PFDN4: variants seen among roughly 807,000 people sequenced by gnomAD.
The protein encoded by PFDN4 is prefoldin 4.
Under a neutral mutation model 17.6 loss-of-function variants are expected in PFDN4, and 6 were observed. The observed-to-expected ratio is 0.34, with a 90% CI of 0.19 to 0.67. The LOEUF is 0.67. Ranked by LOEUF, PFDN4 falls within the 30% of genes least tolerant of loss-of-function variation. The probability of loss-of-function intolerance (pLI) is 0.68; values close to 1 mark genes in which losing one functional copy is unlikely to be tolerated. For synonymous variants in PFDN4, 48 were observed against 51.1 expected, an observed-to-expected ratio of 0.94 and a Z score of 0.26; for missense variants, 119 against 158.4, an observed-to-expected ratio of 0.75 and a Z score of 1.33.
chr20:54,219,212 T>G lies in PFDN4; in HGVS notation c.*62T>G. On this transcript the variant is annotated 3_prime_UTR_variant, in exon 4 of 4. Coordinates refer to ENST00000371419, the MANE Select transcript of PFDN4 (RefSeq NM_002623.4). The stretch of plus-strand genomic sequence containing the variant: ...TTGAATATTGTTTAAAATGATAATT[T>G]TCCTTCTTCAAATGACATGGAAAGC... The G allele has an allele frequency of 9.3e-7, 1 of 1,071,922 alleles. No individual in the cohort carries two copies. The highest frequency in any genetic ancestry group is 1.3e-6 in the Non-Finnish European group (1 of 777,454). 66.4% of individuals were successfully genotyped at this position (1,071,922 alleles called of 1,614,324 possible).
rs185617925 is a variant in PFDN4 at position 54,214,819 on chromosome 20, C to A, written c.132+361C>A. On this transcript the variant is annotated intron_variant, in intron 2 of 3. Transcript: ENST00000371419. Reference sequence around the variant, plus strand: ...GCCAGTGCCACCTACCCCAGTAAATCTGGGGCCTGTGTCCAGCCGTCCCCC... The same window carrying A: ...GCCAGTGCCACCTACCCCAGTAAATATGGGGCCTGTGTCCAGCCGTCCCCC... Among the ~76,000 whole-genome samples, 10 of 152,280 alleles carry A rather than the reference C, an allele frequency of 6.6e-5. No individual in the cohort carries two copies. In the East Asian group the frequency reaches 1.9e-3, roughly 29 times the overall value.
chr20:54,212,780 T>C (rs1054791945), intron 1 of PFDN4, among the ~76,000 whole-genome samples: 3 of 152,252 alleles, frequency 2.0e-5, no homozygotes, highest in Non-Finnish European at 4.4e-5. Context: ...GCGTAGGGAA[T>C]TGACAGTTCT....
chr20:54,219,027 G>T lies in PFDN4; in HGVS notation c.282G>T (p.Leu94Phe), dbSNP rs1246122455. The T allele has an allele frequency of 6.5e-7, 1 of 1,527,840 alleles. No homozygotes were observed. The highest frequency in any genetic ancestry group is 8.8e-7 in the Non-Finnish European group (1 of 1,131,522). 94.6% of individuals were successfully genotyped at this position (1,527,840 alleles called of 1,614,324 possible). The stretch of plus-strand genomic sequence containing the variant: ...AAATATTTTTTTTCCAGAAAAATTT[G>T]CAAGAAGAAATTGACGCCTTAGAAT... ...QEMLEEAKKN[L>F]QEEIDALESR... The change falls in exon 4 of 4, where the codon TTG becomes TTT. Residue 94 changes from leucine (L) to phenylalanine (F), a missense_variant. Leu to Phe is a conservative substitution (Grantham distance 22). Transcript: ENST00000371419.
intron 1 of PFDN4, among the ~76,000 whole-genome samples, chr20:54,212,628 A>T (rs1341066643): frequency 6.6e-6 from 1 of 152,272 alleles, no homozygotes; most frequent in Non-Finnish European, 1.5e-5. Context: ...CCTGCACTGG[A>T]TCCGTTCATG....
chr20:54,214,602 A>AT (rs528818258), intron 2 of PFDN4, 144 bp downstream of exon 2: 12,098 of 441,476 alleles, frequency 0.027, 9 homozygotes, highest in Middle Eastern at 0.044. Context: ...GCAGAAAGTC[A>AT]TTTTTTTTTT....
intron 3 of PFDN4, among the ~76,000 whole-genome samples, chr20:54,216,927 C>T (rs371959253): frequency 1.1e-4 from 17 of 152,160 alleles, no homozygotes; most frequent in East Asian, 7.7e-4. Flanking sequence ...TCCCAAAGTG[C>T]TGGGATTACA....
chr20:54,211,267 CTG>C (rs1467436620), intron 1 of PFDN4, among the ~76,000 whole-genome samples: 1 of 152,192 alleles, frequency 6.6e-6, no homozygotes, highest in Non-Finnish European at 1.5e-5. Flanking sequence ...TGAGGCATGA[CTG>C]AGTATGGTTC....
intron 1 of PFDN4, 35 bp downstream of exon 1, chr20:54,208,159 C>A: frequency 6.6e-7 from 1 of 1,518,020 alleles, no homozygotes; most frequent in Non-Finnish European, 8.9e-7. Flanking sequence ...GATGCTCGGG[C>A]GGCGCCGGAT....
At chr20:54,215,002 G>T (rs1468555070) in intron 2 of PFDN4, among the ~76,000 whole-genome samples, 1 of 152,130 alleles carries the variant, frequency 6.6e-6, no homozygotes, top group East Asian at 1.9e-4. Context: ...TTTTGTTTTT[G>T]TAGGAAGGCA....
chr20:54,209,479 T>C (rs1408704585), intron 1 of PFDN4, among the ~76,000 whole-genome samples: 1 of 152,246 alleles, frequency 6.6e-6, no homozygotes, highest in Non-Finnish European at 1.5e-5. Flanking sequence ...CACCCTACTA[T>C]TCTGCCATCC....
At chr20:54,218,559 C>T (rs1207204322) in intron 3 of PFDN4, among the ~76,000 whole-genome samples, 1 of 152,082 alleles carries the variant, frequency 6.6e-6, no homozygotes, top group Admixed American at 6.5e-5. Flanking sequence ...CCAGAGGCCT[C>T]AAAGTTAGTG....
chr20:54,209,314 A>G (rs1347079637), intron 1 of PFDN4, among the ~76,000 whole-genome samples: 2 of 152,132 alleles, frequency 1.3e-5, no homozygotes, highest in East Asian at 3.8e-4. Context: ...TTCCACTTTT[A>G]AGACCACATT....
intron 2 of PFDN4, among the ~76,000 whole-genome samples, 160 bp from the exon 3 acceptor site, chr20:54,215,140 A>G (rs1401316512): frequency 1.3e-5 from 2 of 152,230 alleles, no homozygotes; most frequent in Non-Finnish European, 2.9e-5. Flanking sequence ...TGCTTGTGAA[A>G]TGTCTTCTAA....
intron 1 of PFDN4, 93 bp downstream of exon 1, chr20:54,208,217 G>A: frequency 1.7e-6 from 2 of 1,199,900 alleles, no homozygotes; most frequent in Non-Finnish European, 2.2e-6. Flanking sequence ...GCGCAGCTCC[G>A]AAGCCCGGCG....
At chr20:54,215,686 C>T (rs2092761605) in intron 3 of PFDN4, among the ~76,000 whole-genome samples, 1 of 152,204 alleles carries the variant, frequency 6.6e-6, no homozygotes, top group Non-Finnish European at 1.5e-5. Context: ...GACACATAGA[C>T]AGTGGTCTTC....
chr20:54,211,338 T>A (rs138281618), intron 1 of PFDN4, among the ~76,000 whole-genome samples: 126 of 152,356 alleles, frequency 8.3e-4, no homozygotes, highest in Middle Eastern at 3.4e-3. Context: ...CAGGGAATTT[T>A]AATTTTTACT....
chr20:54,219,045 CT>C lies in PFDN4; in HGVS notation c.302del (p.Leu101Ter). 1 of 1,561,648 alleles carries C rather than the reference CT, an allele frequency of 6.4e-7. No homozygotes were observed. The highest frequency in any genetic ancestry group is 8.7e-7 in the Non-Finnish European group (1 of 1,153,240). ...AAAATTTGCAAGAAGAAATTGACGC[CT>C]TAGAATCCAGAGTGGAATCAATTCA... is the stretch of plus-strand genomic sequence containing the variant. ...KKNLQEEIDALESRVESIQRV... is the reference protein window; with the variant it reads ...KKNLQEEIDAXESRVESIQRV... On this transcript the variant is annotated frameshift_variant, in exon 4 of 4. Coordinates refer to ENST00000371419, the MANE Select transcript of PFDN4 (RefSeq NM_002623.4). LOFTEE classifies it high-confidence loss of function.
chr20:54,208,143 G>A lies in PFDN4; in HGVS notation c.24+19G>A, dbSNP rs761757038. The A allele has an allele frequency of 5.9e-6, 9 of 1,538,234 alleles. No individual in the cohort carries two copies. Among genetic ancestry groups the A allele is most frequent in the Non-Finnish European group, 7.9e-6 (9 of 1,139,902 alleles). Reference sequence around the variant, plus strand: ...GAAGGCGGTGAGTGGGGAGCTCGGGGCTCTGGATGCTCGGGCGGCGCCGGA... The same window carrying A: ...GAAGGCGGTGAGTGGGGAGCTCGGGACTCTGGATGCTCGGGCGGCGCCGGA... On this transcript the variant is annotated intron_variant, in intron 1 of 3. Transcript: ENST00000371419.
At chr20:54,210,414 A>G (rs760229302) in intron 1 of PFDN4, among the ~76,000 whole-genome samples, 1 of 152,142 alleles carries the variant, frequency 6.6e-6, no homozygotes, top group Non-Finnish European at 1.5e-5. Context: ...AGTGAGTGAG[A>G]GTGAAACAGA....
Sources: allele counts gnomAD v4.1 joint callset (sites outside exome capture counted in the v4.1 genomes callset), GRCh38; gene constraint gnomAD v4.1.1; transcripts MANE v1.5; gene names NCBI Gene and HGNC (gene_info 2026-07-23, HGNC 2026-07-21).